The following LRRC37A2 variants were observed in gnomAD, a reference collection of about 807,000 sequenced individuals.
LRRC37A2 encodes leucine-rich repeat-containing protein 37A2.
Under a neutral mutation model 68.8 loss-of-function variants are expected in LRRC37A2, and 9 were observed. That is an observed-to-expected ratio of 0.13 (90% CI 0.08 to 0.23). The LOEUF is 0.23. Ranked by LOEUF, LRRC37A2 falls within the 10% of genes least tolerant of loss-of-function variation. LRRC37A2 has a pLI of 1.00. For missense variants in LRRC37A2, 168 were observed against 950.4 expected, an observed-to-expected ratio of 0.18 and a Z score of 10.82; for synonymous variants, 63 against 367.6, an observed-to-expected ratio of 0.17 and a Z score of 9.48.
the LRRC37A2 span, among the ~76,000 whole-genome samples, chr17:46,957,774 G>A: frequency 1.3e-5 from 2 of 152,216 alleles, no homozygotes; most frequent in African/African-American, 2.4e-5. Context: ...GGTAGAAGCA[G>A]CGATGGGGAA....
At chr17:46,808,335 G>A in the LRRC37A2 span, among the ~76,000 whole-genome samples, 23 of 152,226 alleles carry the variant, frequency 1.5e-4, no homozygotes, top group African/African-American at 4.8e-4. Flanking sequence ...CTTCCCAGAC[G>A]TTCACAAATA....
the LRRC37A2 span, among the ~76,000 whole-genome samples, chr17:46,794,756 T>TTC: frequency 2.7e-5 from 4 of 148,774 alleles, no homozygotes; most frequent in African/African-American, 1.0e-4. Flanking sequence ...CTTTTTCTTT[T>TTC]TTTTTTTTTT....
chr17:46,490,156 A>G, the LRRC37A2 span, among the ~76,000 whole-genome samples: 7 of 151,276 alleles, frequency 4.6e-5, no homozygotes, highest in Non-Finnish European at 1.0e-4. Flanking sequence ...TAGGGCACCA[A>G]TTAGTAAATA....
rs1433500833 is a variant in LRRC37A2, at chr17:46,539,123, A to AT, written c.2907-1051dup. ...CTACTTGGGAGGCTAAGGCAGGAGA[A>AT]TTGCTTGAACCTGGGAGGCGGAGAT... is the stretch of plus-strand genomic sequence containing the variant. On this transcript the variant is annotated intron_variant, in intron 6 of 14. Coordinates refer to ENST00000576629, the Ensembl canonical transcript of LRRC37A2. Among the ~76,000 whole-genome samples the AT allele has an allele frequency of 1.2e-4, 8 of 67,394 alleles. No individual in the cohort carries two copies. In the East Asian group the frequency reaches 2.0e-3, roughly 17 times the overall value. The allele number at this position is 67,394 out of a possible 152,430, so 44.2% of individuals were successfully genotyped here.
the LRRC37A2 span, among the ~76,000 whole-genome samples, chr17:46,771,978 C>CCCAGA: frequency 6.6e-6 from 1 of 150,376 alleles, no homozygotes; most frequent in Non-Finnish European, 1.5e-5. Context: ...CCCCGCCGCC[C>CCCAGA]CCAGACTCGC....
the LRRC37A2 span, among the ~76,000 whole-genome samples, chr17:46,821,586 G>C: frequency 1.3e-5 from 2 of 152,230 alleles, no homozygotes; most frequent in African/African-American, 4.8e-5. Flanking sequence ...GGAGGCATCA[G>C]CCGGTGGACC....
the LRRC37A2 span, among the ~76,000 whole-genome samples, chr17:46,975,000 T>C: frequency 6.7e-6 from 1 of 149,626 alleles, no homozygotes; most frequent in Non-Finnish European, 1.5e-5. Context: ...TTTTTTTTTT[T>C]TTTTTTTTTT....
chr17:46,835,871 A>G, the LRRC37A2 span, among the ~76,000 whole-genome samples: 1 of 152,210 alleles, frequency 6.6e-6, no homozygotes, highest in African/African-American at 2.4e-5. Flanking sequence ...AAGTTGAGCT[A>G]CCTTCACTAA....
At chr17:46,851,844 C>G in the LRRC37A2 span, 1 of 428,092 alleles carries the variant, frequency 2.3e-6, no homozygotes, top group Non-Finnish European at 3.8e-6. The surrounding 1 kb of genome is among the most constrained non-coding windows in gnomAD (Gnocchi z 4.3). Flanking sequence ...GACCCTAGCC[C>G]GGCGCGACCC....
the LRRC37A2 span, among the ~76,000 whole-genome samples, chr17:46,870,904 C>CTTTTTTTTTTTTT: frequency 1.4e-4 from 11 of 78,394 alleles, 1 homozygote; most frequent in African/African-American, 5.0e-4. Context: ...TCCACCTTTG[C>CTTTTTTTTTTTTT]TTTTTTTTTT....
chr17:46,634,560 G>A, the LRRC37A2 span, among the ~76,000 whole-genome samples: 1 of 94,458 alleles, frequency 1.1e-5, no homozygotes, highest in Non-Finnish European at 2.3e-5. Context: ...GTGTGCGTCC[G>A]TAATCCCAGC....
intron 8 of LRRC37A2, among the ~76,000 whole-genome samples, chr17:46,541,354 T>G (rs1321553543): frequency 1.3e-5 from 2 of 148,862 alleles, no homozygotes; most frequent in Non-Finnish European, 3.0e-5. Context: ...CAGGTTCAAG[T>G]GGTTCTCCTG....
the LRRC37A2 span, among the ~76,000 whole-genome samples, chr17:47,032,432 A>G: frequency 0.019 from 2,851 of 152,234 alleles, 72 homozygotes; most frequent in African/African-American, 0.061. Context: ...TAAGTGGCAG[A>G]ACCACTTACA....
the LRRC37A2 span, among the ~76,000 whole-genome samples, chr17:46,828,527 G>C: frequency 6.6e-6 from 1 of 152,050 alleles, no homozygotes; most frequent in African/African-American, 2.4e-5. Flanking sequence ...TTGATTTGAG[G>C]GTTTGTCTAG....
the LRRC37A2 span, among the ~76,000 whole-genome samples, chr17:46,862,708 G>A: frequency 6.6e-6 from 1 of 152,050 alleles, no homozygotes; most frequent in Non-Finnish European, 1.5e-5. Flanking sequence ...TCAGCCTCCC[G>A]AGTAGCTAGG....
At chr17:46,965,403 C>A in the LRRC37A2 span, among the ~76,000 whole-genome samples, 1 of 152,342 alleles carries the variant, frequency 6.6e-6, no homozygotes, top group East Asian at 1.9e-4. Context: ...CTGACTATGA[C>A]TTCTGTGGCA....
the LRRC37A2 span, among the ~76,000 whole-genome samples, chr17:46,960,304 A>G: frequency 6.6e-6 from 1 of 152,254 alleles, no homozygotes; most frequent in Non-Finnish European, 1.5e-5. Flanking sequence ...AGGTGTCACT[A>G]CACACTTGGC....
the LRRC37A2 span, among the ~76,000 whole-genome samples, chr17:46,804,249 G>A: frequency 4.6e-5 from 7 of 151,852 alleles, no homozygotes; most frequent in East Asian, 3.9e-4. Flanking sequence ...CACCACACCC[G>A]GCTAATTTTT....
At chr17:46,793,857 C>T in the LRRC37A2 span, among the ~76,000 whole-genome samples, 4 of 152,312 alleles carry the variant, frequency 2.6e-5, no homozygotes, top group Non-Finnish European at 4.4e-5. Flanking sequence ...AGATTGCCAT[C>T]GGCCAGGAAG....
Sources: gnomAD v4.1 joint callset for allele counts (sites outside exome capture counted in the v4.1 genomes callset) on GRCh38, gnomAD v4.1.1 for gene constraint, Gnocchi (gnomAD v3.1) non-coding constraint, MANE v1.5 for transcripts, NCBI Gene and HGNC (gene_info 2026-07-23, HGNC 2026-07-21) for gene names.